Variants in PRR35 observed in about 807,000 individuals in gnomAD.
The protein encoded by PRR35 is proline rich 35.
In PRR35, 14 loss-of-function variants were observed where a neutral mutation model predicts 18.6. That is an observed-to-expected ratio of 0.75 (90% CI 0.50 to 1.18). PRR35 has a LOEUF of 1.18. Ranked by LOEUF, PRR35 falls within the 50% of genes most tolerant of loss-of-function variation. PRR35 has a pLI of 0.00. For synonymous variants in PRR35, 425 were observed against 378.2 expected (o/e 1.12, Z -1.43); for missense variants, 832 against 792.2 (o/e 1.05, Z -0.60).
In PRR35 at chr16:564,340, C is replaced by T. The variant is rs1199510495; in HGVS notation, c.1046C>T (p.Ala349Val). Residue 349 changes from alanine to valine, a missense_variant, in exon 2 of 3, where the codon GCA becomes GTA. Coordinates refer to ENST00000409413, the MANE Select transcript of PRR35 (RefSeq NM_145270.3). Reference protein sequence around the residue: ...SLGSRLELPKASPSLTRFCSR... With the variant: ...SLGSRLELPKVSPSLTRFCSR... ...GGAAGCAGGCTGGAGCTTCCGAAGG[C>T]ATCCCCCAGCCTGACAAGGTTCTGT... The T allele has an allele frequency of 3.2e-6, 5 of 1,584,236 alleles. No individual in the cohort carries two copies. The highest frequency in any genetic ancestry group is 4.3e-6 in the Non-Finnish European group (5 of 1,171,630).
chr16:560,861 C>T (rs1239111146), intron 1 of PRR35, 200 bp downstream of exon 1: 1 of 151,990 alleles, frequency 6.6e-6, no homozygotes, highest in African/African-American at 2.8e-5. Flanking sequence ...GGGCAGGGGC[C>T]GGGTCTGGGG....
At position 564,921 on chromosome 16, in the gene PRR35, C is replaced by T. The variant is rs774161183; in HGVS notation, c.1330C>T (p.Arg444Cys). The T allele has an allele frequency of 2.4e-5, 38 of 1,599,316 alleles. No homozygotes were observed. Among genetic ancestry groups the T allele is most frequent in the Admixed American group, 5.1e-5 (3 of 59,058 alleles). ...RPLREQLGKI[R>C]LELLTIHQAL... Reference sequence around the variant, plus strand: ...CCTGCGGGAGCAGCTGGGCAAGATCCGCCTGGAGCTGCTCACCATTCACCA... The same window carrying T: ...CCTGCGGGAGCAGCTGGGCAAGATCTGCCTGGAGCTGCTCACCATTCACCA... Residue 444 changes from arginine to cysteine, a missense_variant, in exon 3 of 3, where the codon CGC becomes TGC. Arg to Cys is a radical substitution (Grantham distance 180). Transcript: ENST00000409413.
chr16:564,919 T>C lies in PRR35; in HGVS notation c.1328T>C (p.Ile443Thr). 1 of 1,599,044 alleles carries C rather than the reference T, an allele frequency of 6.3e-7. No homozygotes were observed. Among genetic ancestry groups the C allele is most frequent in the Non-Finnish European group, 8.5e-7 (1 of 1,176,154 alleles). Reference protein sequence around the residue: ...PRPLREQLGKIRLELLTIHQA... With the variant: ...PRPLREQLGKTRLELLTIHQA... ...CCCCTGCGGGAGCAGCTGGGCAAGA[T>C]CCGCCTGGAGCTGCTCACCATTCAC... The change falls in exon 3 of 3, where the codon ATC (isoleucine) becomes ACC (threonine). Residue 443 changes from isoleucine (I) to threonine (T), a missense_variant. Coordinates refer to ENST00000409413, the MANE Select transcript of PRR35 (RefSeq NM_145270.3).
chr16:560,497 G>A lies in PRR35; in HGVS notation c.-204G>A, dbSNP rs934465218. 2.0e-6 allele frequency: 2 copies of A among 982,746 alleles called. No individual in the cohort carries two copies. Among genetic ancestry groups the A allele is most frequent in the Non-Finnish European group, 1.2e-6 (1 of 828,870 alleles). The allele number at this position is 982,746 out of a possible 1,614,324, so 60.9% of individuals were successfully genotyped here. On this transcript the variant is annotated 5_prime_UTR_variant, in exon 1 of 3. Transcript: ENST00000409413. ...CGCGGACCCGGGAGGTCCGGCTCCC[G>A]GCGCCGGGCCTCAGTTTCCCCCACG... is the stretch of plus-strand genomic sequence containing the variant.
In PRR35 at chr16:565,447, G is replaced by T. The variant is rs1416881645; in HGVS notation, c.*140G>T. 4 of 871,514 alleles carry T rather than the reference G, an allele frequency of 4.6e-6. No individual in the cohort carries two copies. The highest frequency in any genetic ancestry group is 6.4e-6 in the Non-Finnish European group (4 of 623,536). 54.0% of individuals were successfully genotyped at this position (871,514 alleles called of 1,614,324 possible). ...CCCCCACGGGCCGTGGCCAACGCTTGTCCCTGGGGCCACACAGGGACACTG... is the reference window on the plus strand; with the variant it reads ...CCCCCACGGGCCGTGGCCAACGCTTTTCCCTGGGGCCACACAGGGACACTG... On this transcript the variant is annotated 3_prime_UTR_variant, in exon 3 of 3. Coordinates refer to ENST00000409413, the MANE Select transcript of PRR35 (RefSeq NM_145270.3).
chr16:564,642 G>T, intron 2 of PRR35, 32 bp from the exon 3 acceptor site: 1 of 1,495,448 alleles, frequency 6.7e-7, no homozygotes, highest in Non-Finnish European at 8.9e-7. Flanking sequence ...TGTGGGGGCA[G>T]TGCGGCCTCC....
In PRR35 at chr16:565,510, TA is replaced by T. The variant is rs1009840368; in HGVS notation, c.*207del. On this transcript the variant is annotated 3_prime_UTR_variant, in exon 3 of 3. Transcript: ENST00000409413. ...ATTTATTGATCACAATTGTGGACATTAAAACAGAAACTGTTCACACACGCCG... is the reference window on the plus strand; with the variant it reads ...ATTTATTGATCACAATTGTGGACATTAAACAGAAACTGTTCACACACGCCG... The T allele has an allele frequency of 4.1e-5, 21 of 510,802 alleles. No individual in the cohort carries two copies. The Admixed American group carries it at 7.1e-4, about 17-fold the overall frequency. The allele number at this position is 510,802 out of a possible 1,614,324, so 31.6% of individuals were successfully genotyped here. A position where few individuals can be genotyped will look rare whatever the true frequency, so the allele number is the denominator to read the frequency against.
At position 564,776 on chromosome 16, in the gene PRR35, C is replaced by T; in HGVS notation, c.1185C>T (p.Gly395=). 6.5e-7 allele frequency: 1 copy of T among 1,544,194 alleles called. No individual in the cohort carries two copies. The highest frequency in any genetic ancestry group is 8.7e-7 in the Non-Finnish European group (1 of 1,150,870). The change falls in exon 3 of 3, where the codon GGC becomes GGT. Residue 395 remains glycine, a synonymous_variant. Transcript: ENST00000409413. ...GCCCCCTCCCCCTGCAGCCACGGGG[C>T]CCAGTGCCAGGAAGCCCGGAGCATG... The part of the protein sequence containing the change: ...PEGPLPLQPR[G]PVPGSPEHVG...
intron 2 of PRR35, 82 bp downstream of exon 2, chr16:564,458 C>A: frequency 6.6e-7 from 1 of 1,520,206 alleles, no homozygotes; most frequent in Non-Finnish European, 8.8e-7. Context: ...CTGGGCATGG[C>A]GGCTGGGGTC....
chr16:564,971 GCCAGACGCACC>G lies in PRR35; in HGVS notation c.1383_1393del (p.Asp462ArgfsTer55). ...AGGCGCTGGAGCAGGCCGTGAGGCC[GCCAGACGCACC>G]CCTCGACCTCTCTGTGAAACGTGCG... On this transcript the variant is annotated frameshift_variant, in exon 3 of 3. Transcript: ENST00000409413. LOFTEE classifies it low-confidence loss of function (END_TRUNC). 1 of 1,605,936 alleles carries G rather than the reference GCCAGACGCACC, an allele frequency of 6.2e-7. No homozygotes were observed. Among genetic ancestry groups the G allele is most frequent in the Non-Finnish European group, 8.5e-7 (1 of 1,178,070 alleles).
Position 564,906 on chromosome 16 carries a change from C to G in PRR35, c.1315C>G (p.Gln439Glu). 1 of 1,593,540 alleles carries G rather than the reference C, an allele frequency of 6.3e-7. No homozygotes were observed. The highest frequency in any genetic ancestry group is 8.5e-7 in the Non-Finnish European group (1 of 1,173,974). ...GGLAPRPLRE[Q>E]LGKIRLELLT... ...CCTGGCCCCGAGACCCCTGCGGGAG[C>G]AGCTGGGCAAGATCCGCCTGGAGCT... Residue 439 changes from glutamine (Q) to glutamate (E), a missense_variant, in exon 3 of 3, where the codon CAG becomes GAG. Physicochemically the swap from Gln to Glu is conservative, Grantham distance 29 (BLOSUM62 2). Coordinates refer to ENST00000409413, the MANE Select transcript of PRR35 (RefSeq NM_145270.3).
intron 1 of PRR35, among the ~76,000 whole-genome samples, chr16:562,623 G>A (rs1176439729): frequency 4.0e-5 from 6 of 151,352 alleles, no homozygotes; most frequent in Admixed American, 1.3e-4. Context: ...ACACACACAC[G>A]CAGCATCATC....
Position 563,474 on chromosome 16 carries a change from C to T in PRR35, c.180C>T (p.Leu60=). ...TCTACAACCACATGAAGTACAGCCT[C>T]TGCAAGGACTCCCTGTCCCTGCTGC... The part of the protein sequence containing the change: ...SHLYNHMKYS[L]CKDSLSLLLD... Residue 60 remains leucine (L), a synonymous_variant, in exon 2 of 3, where the codon CTC becomes CTT. Coordinates refer to ENST00000409413, the MANE Select transcript of PRR35 (RefSeq NM_145270.3). The T allele has an allele frequency of 6.2e-7, 1 of 1,612,566 alleles. No homozygotes were observed. Among genetic ancestry groups the T allele is most frequent in the Non-Finnish European group, 8.5e-7 (1 of 1,179,664 alleles).
In PRR35 at chr16:563,256, G is replaced by T; in HGVS notation, c.-39G>T. On this transcript the variant is annotated splice_region_variant and 5_prime_UTR_variant, in exon 2 of 3. Transcript: ENST00000409413. ...GCACTGACTGTGGCCCCATCTACAG[G>T]TGGCCATGGTGCCCGGCCCTGCCTC... The T allele has an allele frequency of 6.4e-7, 1 of 1,552,614 alleles. No homozygotes were observed. The highest frequency in any genetic ancestry group is 2.3e-5 in the East Asian group (1 of 43,572).
intron 1 of PRR35, among the ~76,000 whole-genome samples, chr16:562,519 A>T (rs1045933587): frequency 8.2e-6 from 1 of 122,128 alleles, no homozygotes; most frequent in Non-Finnish European, 1.6e-5. Flanking sequence ...ATGCACACAC[A>T]GGCGCACACA....
rs1039207936 is a variant in PRR35, at chr16:564,666, C to T, written c.1083-8C>T. 5 of 1,519,370 alleles carry T rather than the reference C, an allele frequency of 3.3e-6. No homozygotes were observed. The highest frequency in any genetic ancestry group is 2.5e-5 in the East Asian group (1 of 40,688). 94.1% of individuals were successfully genotyped at this position (1,519,370 alleles called of 1,614,324 possible). A position where few individuals can be genotyped will look rare whatever the true frequency, so the allele number is the denominator to read the frequency against. Reference sequence around the variant, plus strand: ...AGTGCGGCCTCCTGACCAGCTTCCACCCCACAGCCTGCCCACCGGCTCCTC... The same window carrying T: ...AGTGCGGCCTCCTGACCAGCTTCCATCCCACAGCCTGCCCACCGGCTCCTC... On this transcript the variant is annotated splice_region_variant and splice_polypyrimidine_tract_variant and intron_variant, in intron 2 of 2. Coordinates refer to ENST00000409413, the MANE Select transcript of PRR35 (RefSeq NM_145270.3).
At chr16:564,470 G>C in intron 2 of PRR35, 94 bp downstream of exon 2, 1 of 1,493,154 alleles carries the variant, frequency 6.7e-7, no homozygotes, top group Admixed American at 2.1e-5. Flanking sequence ...GCTGGGGTCC[G>C]TCCTGAGCTC....
chr16:563,563 C>T lies in PRR35; in HGVS notation c.269C>T (p.Pro90Leu). 6.2e-7 allele frequency: 1 copy of T among 1,608,328 alleles called. No individual in the cohort carries two copies. Among genetic ancestry groups the T allele is most frequent in the Non-Finnish European group, 8.5e-7 (1 of 1,178,362 alleles). ...STTPRPHAPT[P>L]DRPGESDPGR... ...ACGCCTAGGCCCCACGCACCCACCC[C>T]AGACCGCCCTGGGGAGTCCGACCCC... Residue 90 changes from proline to leucine, a missense_variant, in exon 2 of 3, where the codon CCA becomes CTA. Pro to Leu is a moderately conservative substitution (Grantham distance 98). Coordinates refer to ENST00000409413, the MANE Select transcript of PRR35 (RefSeq NM_145270.3).
At chr16:560,191 C>A (rs1205501765), upstream of PRR35, among the ~76,000 whole-genome samples, 1 of 150,490 alleles carries the variant, frequency 6.6e-6, no homozygotes, top group Non-Finnish European at 1.5e-5. Context: ...CCGGCCGCTC[C>A]ACCGCGCGCC....
Sources: gnomAD v4.1 joint callset for allele counts (sites outside exome capture counted in the v4.1 genomes callset) on GRCh38, gnomAD v4.1.1 for gene constraint, MANE v1.5 for transcripts, NCBI Gene and HGNC (gene_info 2026-07-23, HGNC 2026-07-21) for gene names.